UBR1: variants seen among roughly 807,000 people sequenced by gnomAD.
UBR1 encodes ubiquitin protein ligase E3 component n-recognin 1, also known as E3 ubiquitin-protein ligase UBR1.
Under a neutral mutation model 242.1 loss-of-function variants are expected in UBR1, and 102 were observed. That is an observed-to-expected ratio of 0.42 (90% CI 0.36 to 0.50). UBR1 has a LOEUF of 0.50. Among genes scored for constraint, UBR1 ranks in the 20% least tolerant of loss-of-function variants. The pLI is 0.01. For synonymous variants in UBR1, 675 were observed against 684.8 expected (o/e 0.99, Z 0.22); for missense variants, 1,772 against 2,101.8 (o/e 0.84, Z 3.07).
intron 33 of UBR1, among the ~76,000 whole-genome samples, chr15:42,991,844 G>A (rs1437092551): frequency 1.3e-5 from 2 of 151,928 alleles, no homozygotes; most frequent in African/African-American, 4.8e-5. Flanking sequence ...GGGCTCAAGC[G>A]ATCCTCTCCT....
chr15:42,978,481 T>C (rs898804757), intron 37 of UBR1, among the ~76,000 whole-genome samples: 6 of 152,320 alleles, frequency 3.9e-5, no homozygotes, highest in Admixed American at 3.3e-4. Context: ...TTAATCTTTC[T>C]AATCTGGTCC....
chr15:43,045,944 C>G (rs1228230224), intron 14 of UBR1, among the ~76,000 whole-genome samples: 4 of 152,196 alleles, frequency 2.6e-5, no homozygotes, highest in Admixed American at 1.3e-4. Context: ...TACAATGCTA[C>G]AGATAATTCA....
At position 42,944,134 on chromosome 15, in the gene UBR1, CGT is replaced by C. The variant is rs1491182695; in HGVS notation, c.*1193_*1194del. The C allele has an allele frequency of 6.6e-6, 1 of 152,276 alleles. No homozygotes were observed. The highest frequency in any genetic ancestry group is 1.5e-5 in the Non-Finnish European group (1 of 68,020). 9.4% of individuals were successfully genotyped at this position (152,276 alleles called of 1,614,324 possible). ...GGTTCTAACATTACCCCAGAAACAA[CGT>C]AAGTTAAAATGGAAGGTTTCCATTT... is the stretch of plus-strand genomic sequence containing the variant. On this transcript the variant is annotated 3_prime_UTR_variant, in exon 47 of 47. Transcript: ENST00000290650.
chr15:42,998,298 A>C, intron 32 of UBR1, 33 bp from the exon 33 acceptor site: 3 of 1,565,906 alleles, frequency 1.9e-6, no homozygotes, highest in Non-Finnish European at 2.6e-6. Context: ...TATTACAACC[A>C]TGGGTACAAA....
At chr15:43,045,334 G>C (rs2033471072) in intron 14 of UBR1, among the ~76,000 whole-genome samples, 1 of 152,140 alleles carries the variant, frequency 6.6e-6, no homozygotes, top group African/African-American at 2.4e-5. Flanking sequence ...AGGTGTGGTG[G>C]CATGTGCCTG....
At chr15:42,984,838 G>T (rs760528664) in intron 36 of UBR1, 49 bp downstream of exon 36, 4 of 1,493,786 alleles carry the variant, frequency 2.7e-6, no homozygotes, top group Admixed American at 3.4e-5. Context: ...CTGTGGGGGG[G>T]AAAAAAGGCA....
intron 29 of UBR1, among the ~76,000 whole-genome samples, chr15:43,015,407 T>G (rs565163544): frequency 2.4e-4 from 36 of 152,174 alleles, no homozygotes; most frequent in African/African-American, 6.5e-4. Context: ...TTAAGGGCGG[T>G]GCAAGATGTG....
chr15:42,990,312 T>C (rs2032535197), intron 33 of UBR1, among the ~76,000 whole-genome samples, 192 bp from the exon 34 acceptor site: 2 of 152,114 alleles, frequency 1.3e-5, no homozygotes, highest in Non-Finnish European at 1.5e-5. Context: ...CCCAAGTGAC[T>C]ACAGGCATGT....
intron 27 of UBR1, among the ~76,000 whole-genome samples, chr15:43,020,158 G>C (rs537374096): frequency 6.6e-6 from 1 of 152,110 alleles, no homozygotes; most frequent in Non-Finnish European, 1.5e-5. Context: ...TCCTGCCTCA[G>C]CCTCCCAAGT....
At chr15:42,964,622 C>T (rs1349241312) in intron 41 of UBR1, among the ~76,000 whole-genome samples, 2 of 152,176 alleles carry the variant, frequency 1.3e-5, no homozygotes, top group Non-Finnish European at 2.9e-5. Context: ...AGGTCCCTAT[C>T]GTGGCCCAAA....
At chr15:43,004,835 C>T (rs545780713) in intron 30 of UBR1, among the ~76,000 whole-genome samples, 1 of 151,870 alleles carries the variant, frequency 6.6e-6, no homozygotes, top group East Asian at 1.9e-4. Flanking sequence ...TCTGCCTGGC[C>T]GCCCATCGTC....
chr15:43,015,926 G>A (rs1215490491), intron 28 of UBR1, 57 bp from the exon 29 acceptor site: 43 of 1,533,526 alleles, frequency 2.8e-5, no homozygotes, highest in Admixed American at 5.1e-5. Flanking sequence ...ATTTATATAC[G>A]CTGTTTGGAT....
At chr15:43,092,873 A>G (rs1240789789) in intron 1 of UBR1, among the ~76,000 whole-genome samples, 1 of 152,158 alleles carries the variant, frequency 6.6e-6, no homozygotes, top group Non-Finnish European at 1.5e-5. Flanking sequence ...TGGGAAATAA[A>G]GTTCAGTTAC....
intron 9 of UBR1, among the ~76,000 whole-genome samples, 160 bp downstream of exon 9, chr15:43,058,925 C>T (rs2033649613): frequency 6.6e-6 from 1 of 152,172 alleles, no homozygotes; most frequent in Admixed American, 6.5e-5. Context: ...CCAAAGAATA[C>T]ATACTGACTG....
Position 42,963,913 on chromosome 15 carries a change from CAAT to C in UBR1, c.4700+19_4700+21del. ...TTCAAATTGTATAATAACCCAACAACAATATTTTATCCCCATAGTACCTCTGGA... is the reference window on the plus strand; with the variant it reads ...TTCAAATTGTATAATAACCCAACAACATTTTATCCCCATAGTACCTCTGGA... On this transcript the variant is annotated intron_variant, in intron 42 of 46. Coordinates refer to ENST00000290650, the MANE Select transcript of UBR1 (RefSeq NM_174916.3). 2.0e-6 allele frequency: 3 copies of C among 1,536,236 alleles called. No individual in the cohort carries two copies. The highest frequency in any genetic ancestry group is 1.1e-5 in the South Asian group (1 of 89,396).
intron 34 of UBR1, among the ~76,000 whole-genome samples, chr15:42,989,583 A>C (rs1264437118): frequency 3.3e-5 from 5 of 152,234 alleles, no homozygotes. Context: ...ACATCTCTCC[A>C]ATAACCTAAT....
chr15:43,031,039 C>T (rs903774291), intron 20 of UBR1, among the ~76,000 whole-genome samples: 2 of 152,164 alleles, frequency 1.3e-5, no homozygotes, highest in African/African-American at 4.8e-5. Context: ...TTTTACAAAT[C>T]AGGAATCTGA....
chr15:43,105,003 G>A (rs1409561326), intron 1 of UBR1, among the ~76,000 whole-genome samples: 1 of 151,990 alleles, frequency 6.6e-6, no homozygotes, highest in African/African-American at 2.4e-5. Flanking sequence ...ACTTCAGCCT[G>A]GGCAACAAGA....
intron 14 of UBR1, among the ~76,000 whole-genome samples, chr15:43,045,553 T>C (rs1430127133): frequency 6.6e-6 from 1 of 152,084 alleles, no homozygotes. Context: ...GAAGTGACAC[T>C]GTAGCTTAGG....
Sources: allele counts gnomAD v4.1 joint callset (sites outside exome capture counted in the v4.1 genomes callset), GRCh38; gene constraint gnomAD v4.1.1; transcripts MANE v1.5; gene names NCBI Gene and HGNC (gene_info 2026-07-23, HGNC 2026-07-21).